Variants in LOC112694756 observed in about 807,000 individuals in gnomAD.
the LOC112694756 span, chr16:30,068,582 G>A: frequency 7.0e-6 from 11 of 1,566,318 alleles, no homozygotes; most frequent in African/African-American, 2.7e-5. Flanking sequence ...CAGCCGGGGC[G>A]ACAGTGGAAA....
chr16:30,057,975 A>T, the LOC112694756 span, among the ~76,000 whole-genome samples: 1 of 151,370 alleles, frequency 6.6e-6, no homozygotes, highest in Non-Finnish European at 1.5e-5. Context: ...CTTAGAGGAG[A>T]TGCTCCATTA....
the LOC112694756 span, chr16:30,067,183 T>G: frequency 6.2e-7 from 1 of 1,610,612 alleles, no homozygotes; most frequent in Non-Finnish European, 8.5e-7. Context: ...CATCGGGAGA[T>G]GATGGGAAAC....
the LOC112694756 span, chr16:30,053,187 T>G: frequency 1.3e-5 from 2 of 152,500 alleles, no homozygotes; most frequent in African/African-American, 4.8e-5. Context: ...TGGCGCGGAA[T>G]CCGTGAATTG....
At chr16:30,068,152 C>T in the LOC112694756 span, 2 of 263,430 alleles carry the variant, frequency 7.6e-6, no homozygotes, top group South Asian at 7.7e-5. Context: ...GCAAGTTCCG[C>T]CTCCCAGGTT....
the LOC112694756 span, chr16:30,067,439 G>C: frequency 3.1e-6 from 5 of 1,613,358 alleles, no homozygotes; most frequent in Admixed American, 3.3e-5. Context: ...ATTCCCATGT[G>C]ACACTCCCAG....
chr16:30,065,245 A>G, the LOC112694756 span, among the ~76,000 whole-genome samples: 4 of 152,146 alleles, frequency 2.6e-5, no homozygotes, highest in African/African-American at 9.7e-5. Context: ...GGCCAGTGAC[A>G]GGGTGTCGGC....
chr16:30,068,411 C>G, the LOC112694756 span: 79 of 587,656 alleles, frequency 1.3e-4, no homozygotes, highest in Non-Finnish European at 2.2e-4. Flanking sequence ...TATTTGCCAG[C>G]CCTGAGATGC....
At chr16:30,069,422 G>T in the LOC112694756 span, 1 of 1,613,984 alleles carries the variant, frequency 6.2e-7, no homozygotes, top group Non-Finnish European at 8.5e-7. Flanking sequence ...AGTGCAAGGT[G>T]GCTGGCCGGG....
the LOC112694756 span, chr16:30,069,484 C>G: frequency 2.5e-6 from 4 of 1,613,982 alleles, no homozygotes; most frequent in Non-Finnish European, 3.4e-6. Flanking sequence ...CCACCGTGCG[C>G]CTGCTCTGCT....
At chr16:30,069,987 G>A in the LOC112694756 span, 1 of 1,613,894 alleles carries the variant, frequency 6.2e-7, no homozygotes, top group Non-Finnish European at 8.5e-7. Flanking sequence ...GGAAGAAGGA[G>A]AACCTGAAGG....
the LOC112694756 span, chr16:30,066,742 C>G: frequency 1.3e-5 from 12 of 899,210 alleles, no homozygotes; most frequent in Non-Finnish European, 2.0e-5. Flanking sequence ...GGGTTCTAAT[C>G]TCAGATCTGG....
At chr16:30,066,537 G>T in the LOC112694756 span, among the ~76,000 whole-genome samples, 1 of 152,218 alleles carries the variant, frequency 6.6e-6, no homozygotes, top group South Asian at 2.1e-4. Flanking sequence ...CCTCGGGCTA[G>T]GGCTTGTTCC....
At chr16:30,070,287 TCGGGG>T in the LOC112694756 span, 4 of 1,468,466 alleles carry the variant, frequency 2.7e-6, no homozygotes, top group Non-Finnish European at 3.8e-6. Flanking sequence ...GGCCGCCTCC[TCGGGG>T]CTCCAGGCTG....
At chr16:30,069,677 A>T in the LOC112694756 span, 1 of 1,613,412 alleles carries the variant, frequency 6.2e-7, no homozygotes, top group South Asian at 1.1e-5. Flanking sequence ...GTCACTGGTG[A>T]GGCCCACACT....
chr16:30,065,335 G>A, the LOC112694756 span, among the ~76,000 whole-genome samples: 1 of 152,248 alleles, frequency 6.6e-6, no homozygotes, highest in African/African-American at 2.4e-5. Context: ...ACGCGCTGCA[G>A]CCGCGAAGAC....
At chr16:30,058,275 T>G in the LOC112694756 span, among the ~76,000 whole-genome samples, 1 of 152,150 alleles carries the variant, frequency 6.6e-6, no homozygotes, top group Non-Finnish European at 1.5e-5. Context: ...CCACAAAGTA[T>G]ATTTAAGTCC....
At chr16:30,068,465 G>A in the LOC112694756 span, 1 of 704,924 alleles carries the variant, frequency 1.4e-6, no homozygotes, top group South Asian at 1.5e-5. Flanking sequence ...TGGGGCTAAA[G>A]AAGAGGAAAG....
the LOC112694756 span, chr16:30,064,015 G>C: frequency 2.5e-6 from 1 of 398,700 alleles, no homozygotes; most frequent in East Asian, 3.6e-5. Flanking sequence ...CAGGACTCTT[G>C]GCCGGCTGGA....
the LOC112694756 span, chr16:30,069,462 C>T: frequency 6.2e-7 from 1 of 1,613,994 alleles, no homozygotes; most frequent in Non-Finnish European, 8.5e-7. Context: ...ATCCTCTCCT[C>T]CACCCCACTA....
Sources: gnomAD v4.1 joint callset for allele counts (sites outside exome capture counted in the v4.1 genomes callset) on GRCh38, gnomAD v4.1.1 for gene constraint, MANE v1.5 for transcripts.